Variants in PRKG1 observed in about 807,000 individuals in gnomAD.
PRKG1 encodes the protein cGMP-dependent protein kinase 1.
Under a neutral mutation model 88.1 loss-of-function variants are expected in PRKG1, and 35 were observed. The observed-to-expected ratio is 0.40, with a 90% CI of 0.30 to 0.53. PRKG1 has a LOEUF of 0.53. PRKG1 is among the 20% of genes least tolerant of loss of function. The probability of loss-of-function intolerance (pLI) is 0.59; values close to 1 mark genes in which losing one functional copy is unlikely to be tolerated. For synonymous variants in PRKG1, 303 were observed against 292.5 expected (o/e 1.04, Z -0.37); for missense variants, 540 against 839.8 (o/e 0.64, Z 4.41).
chr10:51,591,702 G>A (rs150089256), intron 3 of PRKG1, among the ~76,000 whole-genome samples: 4 of 152,186 alleles, frequency 2.6e-5, no homozygotes, highest in Non-Finnish European at 5.9e-5. Flanking sequence ...ATAATCTTTC[G>A]TTCCCATTTG....
At chr10:52,200,640 T>C (rs1839639778) in intron 9 of PRKG1, among the ~76,000 whole-genome samples, 1 of 152,220 alleles carries the variant, frequency 6.6e-6, no homozygotes. Flanking sequence ...TCAGACTGCT[T>C]TCAGCAATGG....
chr10:51,797,532 G>A (rs1000728109), intron 3 of PRKG1, among the ~76,000 whole-genome samples: 1 of 143,702 alleles, frequency 7.0e-6, no homozygotes, highest in East Asian at 2.0e-4. Context: ...TAAATTTGTT[G>A]TATGTATTTA....
intron 2 of PRKG1, among the ~76,000 whole-genome samples, chr10:51,392,385 C>A (rs967437253): frequency 6.6e-6 from 1 of 152,002 alleles, no homozygotes; most frequent in African/African-American, 2.4e-5. Context: ...CATCTTGCAC[C>A]GCCCTTAATC....
intron 2 of PRKG1, among the ~76,000 whole-genome samples, chr10:51,156,960 G>C (rs1846230230): frequency 6.6e-6 from 1 of 151,940 alleles, no homozygotes; most frequent in African/African-American, 2.4e-5. Flanking sequence ...AAAAGACCCA[G>C]GGAGTTTATG....
At chr10:51,588,966 A>G (rs1838240524) in intron 3 of PRKG1, among the ~76,000 whole-genome samples, 2 of 152,264 alleles carry the variant, frequency 1.3e-5, no homozygotes, top group South Asian at 4.2e-4. Flanking sequence ...CCAAATAAAA[A>G]TTTGCATGCA....
At chr10:51,838,760 T>C (rs996021215) in intron 4 of PRKG1, among the ~76,000 whole-genome samples, 1 of 151,632 alleles carries the variant, frequency 6.6e-6, no homozygotes, top group Non-Finnish European at 1.5e-5. Context: ...TCTAGGCTAA[T>C]GAGAAAAAAA....
chr10:51,871,971 G>T (rs1841170160), intron 4 of PRKG1, among the ~76,000 whole-genome samples: 1 of 152,176 alleles, frequency 6.6e-6, no homozygotes. Context: ...AGTTGTATTT[G>T]TTAGTACCCT....
At chr10:51,060,532 G>A (rs1426062418) in intron 1 of PRKG1, among the ~76,000 whole-genome samples, 1 of 152,036 alleles carries the variant, frequency 6.6e-6, no homozygotes, top group Non-Finnish European at 1.5e-5. Context: ...TAAAATTAGA[G>A]GTAAGTCATT....
intron 3 of PRKG1, among the ~76,000 whole-genome samples, chr10:51,517,021 G>GA (rs900683850): frequency 6.6e-6 from 1 of 152,160 alleles, no homozygotes; most frequent in African/African-American, 2.4e-5. Flanking sequence ...TTGTAAGGTG[G>GA]AAAAAAATAC....
intron 16 of PRKG1, 62 bp from the exon 17 acceptor site, chr10:52,290,162 A>G (rs1842208409): frequency 7.1e-7 from 1 of 1,417,708 alleles, no homozygotes; most frequent in Non-Finnish European, 9.9e-7. Flanking sequence ...CATTGTATAC[A>G]CTGCAATGAG....
At chr10:51,591,018 A>G (rs7908596) in intron 3 of PRKG1, among the ~76,000 whole-genome samples, 10,961 of 152,278 alleles carry the variant, frequency 0.072, 1,299 homozygotes, top group African/African-American at 0.25. Context: ...TTCTAAATTC[A>G]GATGGTAAAT....
chr10:52,117,727 C>A (rs1023338826), intron 7 of PRKG1, among the ~76,000 whole-genome samples: 1 of 151,994 alleles, frequency 6.6e-6, no homozygotes, highest in African/African-American at 2.4e-5. Context: ...CTTCCTCTGT[C>A]TTTTAATCAC....
intron 9 of PRKG1, among the ~76,000 whole-genome samples, chr10:52,249,964 G>A (rs1038347913): frequency 3.3e-5 from 5 of 152,202 alleles, no homozygotes; most frequent in Admixed American, 1.3e-4. Context: ...TATCCAGGCG[G>A]CCAGGAAATG....
At chr10:51,180,160 G>A (rs2132023580) in intron 2 of PRKG1, among the ~76,000 whole-genome samples, 1 of 152,270 alleles carries the variant, frequency 6.6e-6, no homozygotes, top group South Asian at 2.1e-4. Context: ...GGCAAATACT[G>A]CAGGAGTTTT....
At chr10:51,173,700 A>G (rs891431638) in intron 2 of PRKG1, among the ~76,000 whole-genome samples, 3 of 151,886 alleles carry the variant, frequency 2.0e-5, no homozygotes, top group Non-Finnish European at 4.4e-5. Flanking sequence ...TATTCCTTCA[A>G]TTCCTCATAC....
At chr10:51,825,837 A>G (rs1839868657) in intron 4 of PRKG1, among the ~76,000 whole-genome samples, 1 of 152,180 alleles carries the variant, frequency 6.6e-6, no homozygotes, top group Admixed American at 6.6e-5. Context: ...AGGGTCAGTC[A>G]TCAAGGCTCA....
intron 3 of PRKG1, among the ~76,000 whole-genome samples, chr10:51,763,973 C>T (rs1194567379): frequency 6.6e-6 from 1 of 152,202 alleles, no homozygotes; most frequent in Non-Finnish European, 1.5e-5. Flanking sequence ...ATCTATTAAT[C>T]TCTGAATAAT....
intron 2 of PRKG1, among the ~76,000 whole-genome samples, chr10:51,404,354 A>G (rs1474043502): frequency 6.6e-6 from 1 of 152,234 alleles, no homozygotes; most frequent in Non-Finnish European, 1.5e-5. Context: ...GATTATGATG[A>G]AACAATAACT....
intron 17 of PRKG1, 77 bp from the exon 18 acceptor site, chr10:52,293,725 C>T: frequency 3.4e-6 from 4 of 1,161,538 alleles, no homozygotes; most frequent in Non-Finnish European, 5.1e-6. Context: ...GGAATAAATA[C>T]AGAATGCACT....
Sources: gnomAD v4.1 joint callset for allele counts (sites outside exome capture counted in the v4.1 genomes callset) on GRCh38, gnomAD v4.1.1 for gene constraint, MANE v1.5 for transcripts, NCBI Gene and HGNC (gene_info 2026-07-23, HGNC 2026-07-21) for gene names.